The following KNTC1 variants were observed in gnomAD, a reference collection of about 807,000 sequenced individuals.
The protein encoded by KNTC1 is kinetochore associated 1, also known as kinetochore-associated protein 1.
Under a neutral mutation model 314.4 loss-of-function variants are expected in KNTC1, and 253 were observed. The observed-to-expected ratio is 0.80, with a 90% CI of 0.73 to 0.89. The LOEUF (loss-of-function observed/expected upper bound fraction) is 0.89, where lower values mean the gene tolerates loss of function less well. Among genes scored for constraint, KNTC1 ranks in the 40% least tolerant of loss-of-function variants. The pLI is 0.00. For missense variants in KNTC1, 2,475 were observed against 2,572.9 expected (o/e 0.96, Z 0.82); for synonymous variants, 901 against 901.4 (o/e 1.00, Z 0.01).
intron 5 of KNTC1, among the ~76,000 whole-genome samples, chr12:122,541,403 A>G (rs1454294172): frequency 1.3e-5 from 2 of 148,526 alleles, no homozygotes; most frequent in Non-Finnish European, 3.0e-5. Flanking sequence ...CTGGAGAGCA[A>G]TGACGCAATT....
Position 122,539,728 on chromosome 12 carries a change from T to A in KNTC1, c.419T>A (p.Val140Asp). 1 of 1,580,348 alleles carries A rather than the reference T, an allele frequency of 6.3e-7. No individual in the cohort carries two copies. The highest frequency in any genetic ancestry group is 8.6e-7 in the Non-Finnish European group (1 of 1,162,628). ...DENRRTYQNLVIEKDGSNEGT... is the reference protein window; with the variant it reads ...DENRRTYQNLDIEKDGSNEGT... Reference sequence around the variant, plus strand: ...AATCGGCGGACTTACCAGAATCTTGTCATTGAGAAGGATGGTTCAAATGAA... The same window carrying A: ...AATCGGCGGACTTACCAGAATCTTGACATTGAGAAGGATGGTTCAAATGAA... The change falls in exon 5 of 64, where the codon GTC (valine) becomes GAC (aspartate). Residue 140 changes from valine to aspartate, a missense_variant. Coordinates refer to ENST00000333479, the MANE Select transcript of KNTC1 (RefSeq NM_014708.6).
Position 122,572,947 on chromosome 12 carries a change from A to G in KNTC1, c.2030A>G (p.Gln677Arg). The G allele has an allele frequency of 6.3e-7, 1 of 1,581,188 alleles. No individual in the cohort carries two copies. The highest frequency in any genetic ancestry group is 8.6e-7 in the Non-Finnish European group (1 of 1,157,976). The change falls in exon 25 of 64, where the codon CAG (glutamine) becomes CGG (arginine). Residue 677 changes from glutamine (Q) to arginine (R), a missense_variant. Physicochemically the swap from Gln to Arg is conservative, Grantham distance 43. Transcript: ENST00000333479. ...SWHWISLKDY[Q>R]NTEEVCQLRT... Reference sequence around the variant, plus strand: ...ACACTTTTGTTTTAGAAAGATTATCAGAACACAGAGGAAGTATGTCAGCTA... The same window carrying G: ...ACACTTTTGTTTTAGAAAGATTATCGGAACACAGAGGAAGTATGTCAGCTA...
chr12:122,623,382 C>T (rs187989341), intron 62 of KNTC1, among the ~76,000 whole-genome samples: 1 of 152,306 alleles, frequency 6.6e-6, no homozygotes, highest in African/African-American at 2.4e-5. Flanking sequence ...CCGCAGTACA[C>T]ACCAGATCCA....
Position 122,576,026 on chromosome 12 carries a change from A to G in KNTC1, c.2586+127A>G, listed in dbSNP as rs1393444116. On this transcript the variant is annotated intron_variant, in intron 29 of 63. Coordinates refer to ENST00000333479, the MANE Select transcript of KNTC1 (RefSeq NM_014708.6). ...TTTTCCACTACATTTCTTTTGTTAGATATGATGTTAATAAGGTGTTCAGTT... is the reference window on the plus strand; with the variant it reads ...TTTTCCACTACATTTCTTTTGTTAGGTATGATGTTAATAAGGTGTTCAGTT... 2.6e-6 allele frequency: 3 copies of G among 1,157,924 alleles called. 1 individual carries two copies. The South Asian group carries it at 5.1e-5, about 20-fold the overall frequency. 71.7% of individuals were successfully genotyped at this position (1,157,924 alleles called of 1,614,324 possible). A position where few individuals can be genotyped will look rare whatever the true frequency, so the allele number is the denominator to read the frequency against.
At chr12:122,542,998 C>T (rs186927825) in intron 6 of KNTC1, among the ~76,000 whole-genome samples, 3 of 152,194 alleles carry the variant, frequency 2.0e-5, no homozygotes, top group South Asian at 2.1e-4. Context: ...CTGCAACCTC[C>T]GCTTCCCAGG....
Position 122,527,271 on chromosome 12 carries a change from C to G in KNTC1, c.-154C>G, listed in dbSNP as rs565367883. On this transcript the variant is annotated 5_prime_UTR_variant, in exon 1 of 64. Transcript: ENST00000333479. ...GCCAATTTAAGCCTGTGGCATGGAA[C>G]CTAAAGACTAGAGGCGGTTGTGTGA... 1.3e-3 allele frequency: 315 copies of G among 241,208 alleles called. 4 individuals are homozygous for G. Among genetic ancestry groups the G allele is most frequent in the African/African-American group, 6.9e-3 (301 of 43,906 alleles). The allele number at this position is 241,208 out of a possible 1,614,324, so 14.9% of individuals were successfully genotyped here.
intron 20 of KNTC1, among the ~76,000 whole-genome samples, chr12:122,566,151 C>T (rs561921157): frequency 6.2e-4 from 94 of 151,954 alleles, no homozygotes; most frequent in Non-Finnish European, 7.2e-4. Flanking sequence ...CTGTGTTGGC[C>T]AGGCTGGCCT....
At chr12:122,600,730 A>T (rs1052887728) in intron 44 of KNTC1, among the ~76,000 whole-genome samples, 4 of 151,012 alleles carry the variant, frequency 2.6e-5, no homozygotes, top group Non-Finnish European at 5.9e-5. Context: ...CAGTGGCGTG[A>T]TCTCAGCTCA....
chr12:122,562,981 C>T (rs1964079915), intron 20 of KNTC1, among the ~76,000 whole-genome samples: 1 of 151,700 alleles, frequency 6.6e-6, no homozygotes, highest in South Asian at 2.1e-4. Flanking sequence ...TGCACCCCAG[C>T]CTGGGCGACA....
At chr12:122,605,532 A>C (rs1872497328) in intron 51 of KNTC1, 117 bp downstream of exon 51, 1 of 556,324 alleles carries the variant, frequency 1.8e-6, no homozygotes, top group East Asian at 2.9e-5. Context: ...CAGACTCTTC[A>C]AAGAAGGAAG....
intron 3 of KNTC1, among the ~76,000 whole-genome samples, chr12:122,537,441 C>T (rs1373782412): frequency 1.4e-5 from 2 of 146,832 alleles, no homozygotes; most frequent in Middle Eastern, 3.3e-3. Context: ...TTTTTTGAGA[C>T]GGAGTCTGGC....
rs192630750 is a variant in KNTC1 at position 122,542,979 on chromosome 12, A to T, written c.524-621A>T. Among the ~76,000 whole-genome samples, 751 of 152,092 alleles carry T rather than the reference A, an allele frequency of 4.9e-3. 5 individuals carry two copies. The highest frequency in any genetic ancestry group is 0.017 in the African/African-American group (721 of 41,494). ...CCAGGCTGGAGTACAGTGGTATGAT[A>T]TCGGCTCACTGCAACCTCCGCTTCC... is the stretch of plus-strand genomic sequence containing the variant. On this transcript the variant is annotated intron_variant, in intron 6 of 63. Coordinates refer to ENST00000333479, the MANE Select transcript of KNTC1 (RefSeq NM_014708.6).
At chr12:122,594,536 TAG>T (rs1870768464) in intron 43 of KNTC1, among the ~76,000 whole-genome samples, 151 bp downstream of exon 43, 1 of 152,244 alleles carries the variant, frequency 6.6e-6, no homozygotes. Flanking sequence ...GAAATCAGAT[TAG>T]AGTCTCTTAT....
At position 122,547,898 on chromosome 12, in the gene KNTC1, G is replaced by C. The variant is rs764870584; in HGVS notation, c.933-17G>C. ...AAAAGTTTACTTGAATTATTTAAAG[G>C]TTCTTTTCTCTTTTAGGCAAGGAAT... is the stretch of plus-strand genomic sequence containing the variant. On this transcript the variant is annotated splice_polypyrimidine_tract_variant and intron_variant, in intron 11 of 63. Coordinates refer to ENST00000333479, the MANE Select transcript of KNTC1 (RefSeq NM_014708.6). The C allele has an allele frequency of 2.1e-6, 3 of 1,428,300 alleles. No individual in the cohort carries two copies. The highest frequency in any genetic ancestry group is 2.8e-6 in the Non-Finnish European group (3 of 1,059,166). The allele number at this position is 1,428,300 out of a possible 1,614,324, so 88.5% of individuals were successfully genotyped here.
intron 20 of KNTC1, among the ~76,000 whole-genome samples, chr12:122,565,869 AG>A (rs1964294736): frequency 6.6e-6 from 1 of 152,044 alleles, no homozygotes. Flanking sequence ...TGGGTGACAC[AG>A]TGAAACTCGC....
At chr12:122,535,889 G>GTTTTT (rs1190271040) in intron 3 of KNTC1, among the ~76,000 whole-genome samples, 1 of 133,532 alleles carries the variant, frequency 7.5e-6, no homozygotes, top group African/African-American at 2.8e-5. Flanking sequence ...TATTATGAAA[G>GTTTTT]TTTTTTTTTT....
chr12:122,558,448 A>T (rs2137824815), intron 18 of KNTC1, among the ~76,000 whole-genome samples: 1 of 152,040 alleles, frequency 6.6e-6, no homozygotes, highest in African/African-American at 2.4e-5. Flanking sequence ...ACTGCTTGGG[A>T]TGCTGAGGCA....
intron 59 of KNTC1, among the ~76,000 whole-genome samples, chr12:122,619,582 G>A (rs1874187407): frequency 6.6e-6 from 1 of 151,752 alleles, no homozygotes; most frequent in Non-Finnish European, 1.5e-5. Flanking sequence ...CCGGCTAATT[G>A]TTTGTATTTT....
intron 24 of KNTC1, among the ~76,000 whole-genome samples, chr12:122,572,388 CTG>C (rs1158025673): frequency 3.3e-5 from 5 of 151,852 alleles, no homozygotes; most frequent in Non-Finnish European, 7.4e-5. Context: ...GAGCATGACT[CTG>C]TCCCCCCCAA....
Sources: gnomAD v4.1 joint callset for allele counts (sites outside exome capture counted in the v4.1 genomes callset) on GRCh38, gnomAD v4.1.1 for gene constraint, MANE v1.5 for transcripts, NCBI Gene and HGNC (gene_info 2026-07-23, HGNC 2026-07-21) for gene names.